Variants in YTHDC2 observed in about 807,000 individuals in gnomAD.
YTHDC2 encodes the protein YTH N6-methyladenosine RNA binding protein C2.
In YTHDC2, 45 loss-of-function variants were observed where a neutral mutation model predicts 174.9. That is an observed-to-expected ratio of 0.26 (90% CI 0.20 to 0.33). The LOEUF (loss-of-function observed/expected upper bound fraction) is 0.33. YTHDC2 is among the 10% of genes least tolerant of loss of function. The probability of loss-of-function intolerance (pLI) is 1.00; values close to 1 mark genes in which losing one functional copy is unlikely to be tolerated. For missense variants in YTHDC2, 1,650 were observed against 1,723.7 expected, an observed-to-expected ratio of 0.96 and a Z score of 0.76; for synonymous variants, 657 against 574.5, an observed-to-expected ratio of 1.14 and a Z score of -2.05.
At chr5:113,549,498 G>C (rs1431022277) in intron 12 of YTHDC2, among the ~76,000 whole-genome samples, 1 of 152,054 alleles carries the variant, frequency 6.6e-6, no homozygotes, top group Admixed American at 6.6e-5. Flanking sequence ...CTTGTTCAGT[G>C]GCCTTTGAGT....
In YTHDC2 at chr5:113,552,587, A is replaced by G. The variant is rs139330578; in HGVS notation, c.1689-594A>G. Among the ~76,000 whole-genome samples, 12 of 152,194 alleles carry G rather than the reference A, an allele frequency of 7.9e-5. No individual in the cohort carries two copies. The East Asian group carries it at 2.3e-3, about 29-fold the overall frequency. ...ATTGATGAACACTTAGGTTGTTTCC[A>G]CTTTCTGACTATGAATAATACTGGT... On this transcript the variant is annotated intron_variant, in intron 12 of 29. Transcript: ENST00000161863.
intron 23 of YTHDC2, among the ~76,000 whole-genome samples, chr5:113,572,957 T>G (rs1777827079): frequency 6.6e-6 from 1 of 152,196 alleles, no homozygotes; most frequent in South Asian, 2.1e-4. Context: ...CCCATTTACC[T>G]TCAATATTAC....
chr5:113,585,677 C>T (rs1388940886), intron 26 of YTHDC2, among the ~76,000 whole-genome samples: 1 of 151,528 alleles, frequency 6.6e-6, no homozygotes, highest in African/African-American at 2.4e-5. Flanking sequence ...TAAATGGAAT[C>T]ATATATATGT....
At position 113,567,403 on chromosome 5, in the gene YTHDC2, G is replaced by GTT. The variant is rs1229763595; in HGVS notation, c.3048+107_3048+108dup. 588 of 333,654 alleles carry GTT rather than the reference G, an allele frequency of 1.8e-3. 6 individuals carry two copies. The East Asian group carries it at 0.023, about 13-fold the overall frequency. 20.7% of individuals were successfully genotyped at this position (333,654 alleles called of 1,614,324 possible). A position where few individuals can be genotyped will look rare whatever the true frequency, so the allele number is the denominator to read the frequency against. The stretch of plus-strand genomic sequence containing the variant: ...CCTGCCTGCTTTAAGAAATTAATTA[G>GTT]TTATATATATATATATATATATATC... On this transcript the variant is annotated intron_variant, in intron 22 of 29. Coordinates refer to ENST00000161863, the MANE Select transcript of YTHDC2 (RefSeq NM_022828.5).
At chr5:113,548,829 T>G in intron 11 of YTHDC2, 126 bp from the exon 12 acceptor site, 1 of 1,146,054 alleles carries the variant, frequency 8.7e-7, no homozygotes, top group Non-Finnish European at 1.2e-6. Context: ...GTTTTTTAAC[T>G]ATAATTTATC....
intron 4 of YTHDC2, among the ~76,000 whole-genome samples, chr5:113,529,130 T>C (rs1774483871): frequency 6.6e-6 from 1 of 152,218 alleles, no homozygotes; most frequent in African/African-American, 2.4e-5. Context: ...TTTGTTATGA[T>C]AATAAACATT....
At chr5:113,546,421 C>T (rs1041289562) in intron 10 of YTHDC2, among the ~76,000 whole-genome samples, 1 of 152,188 alleles carries the variant, frequency 6.6e-6, no homozygotes, top group Non-Finnish European at 1.5e-5. Context: ...GTTACAGTAG[C>T]TCAATCATTC....
intron 24 of YTHDC2, 182 bp downstream of exon 24, chr5:113,579,877 G>A: frequency 1.0e-6 from 1 of 985,326 alleles, no homozygotes; most frequent in African/African-American, 1.7e-5. Context: ...TCCAACAGAG[G>A]ACTTGGAAAA....
At chr5:113,571,465 T>G (rs1459204203) in intron 23 of YTHDC2, among the ~76,000 whole-genome samples, 1 of 152,206 alleles carries the variant, frequency 6.6e-6, no homozygotes. Context: ...CTGTCAGGCT[T>G]TGGTATCAGT....
chr5:113,565,667 T>G, intron 20 of YTHDC2: 1 of 357,364 alleles, frequency 2.8e-6, no homozygotes, highest in Non-Finnish European at 4.9e-6. Flanking sequence ...TTAGGCTACT[T>G]GACACTTAGT....
At chr5:113,564,213 T>C (rs559418639) in intron 20 of YTHDC2, 82 bp downstream of exon 20, 4 of 1,387,586 alleles carry the variant, frequency 2.9e-6, no homozygotes, top group Non-Finnish European at 3.8e-6. Flanking sequence ...TTAAAAATAA[T>C]TTATAAATTT....
At chr5:113,569,068 T>TTGTGG (rs1777545300) in intron 23 of YTHDC2, among the ~76,000 whole-genome samples, 2 of 152,160 alleles carry the variant, frequency 1.3e-5, no homozygotes, top group Admixed American at 6.6e-5. Context: ...TCTGATCTCA[T>TTGTGG]TGTGGTTTTG....
chr5:113,541,009 C>G lies in YTHDC2; in HGVS notation c.1252C>G (p.Gln418Glu), dbSNP rs777505670. ...CACACTTACAGAATGGTACTCAGCT[C>G]AAGAAAATAGTTTCAAGCCTGAATC... Reference protein sequence around the residue: ...QTTLTEWYSAQENSFKPESQR... With the variant: ...QTTLTEWYSAEENSFKPESQR... The change falls in exon 9 of 30, where the codon CAA becomes GAA. Residue 418 changes from glutamine to glutamate, a missense_variant. Physicochemically the swap from Gln to Glu is conservative, Grantham distance 29. Coordinates refer to ENST00000161863, the MANE Select transcript of YTHDC2 (RefSeq NM_022828.5). The G allele has an allele frequency of 1.2e-6, 2 of 1,613,996 alleles. No individual in the cohort carries two copies. Among genetic ancestry groups the G allele is most frequent in the South Asian group, 1.1e-5 (1 of 91,070 alleles).
chr5:113,514,639 G>A (rs1195799941), intron 1 of YTHDC2, among the ~76,000 whole-genome samples: 1 of 152,118 alleles, frequency 6.6e-6, no homozygotes, highest in African/African-American at 2.4e-5. Flanking sequence ...GGTGACCTGT[G>A]CAGTCTGTTG....
chr5:113,538,751 T>C (rs1338793918), intron 7 of YTHDC2, among the ~76,000 whole-genome samples: 1 of 152,156 alleles, frequency 6.6e-6, no homozygotes, highest in Non-Finnish European at 1.5e-5. Context: ...GATTTCTGTC[T>C]CTTCCACTAG....
chr5:113,553,818 A>C lies in YTHDC2; in HGVS notation c.2016A>C (p.Lys672Asn), dbSNP rs138250809. 2.1e-5 allele frequency: 34 copies of C among 1,612,376 alleles called. No individual in the cohort carries two copies. Among genetic ancestry groups the C allele is most frequent in the Non-Finnish European group, 2.8e-5 (33 of 1,179,386 alleles). Residue 672 changes from lysine (K) to asparagine (N), a missense_variant, in exon 15 of 30, where the codon AAA becomes AAC. Physicochemically the swap from Lys to Asn is moderately conservative, Grantham distance 94. Transcript: ENST00000161863. ...HSNMQTSDQK[K>N]VLKNPPAGVR... ...ATATGCAAACATCCGATCAAAAGAAAGTATTAAAAAACCCACCTGCAGGTG... is the reference window on the plus strand; with the variant it reads ...ATATGCAAACATCCGATCAAAAGAACGTATTAAAAAACCCACCTGCAGGTG...
chr5:113,554,383 T>C (rs534220912), intron 16 of YTHDC2, among the ~76,000 whole-genome samples: 1 of 152,212 alleles, frequency 6.6e-6, no homozygotes, highest in Admixed American at 6.5e-5. Flanking sequence ...GGAATTTGAT[T>C]ACATATTTTT....
Position 113,542,506 on chromosome 5 carries a change from A to G in YTHDC2, c.1495+3A>G. Reference sequence around the variant, plus strand: ...CATTTTAACTGAAAATGTTAGTGGTAAGTTTATTTTAATTTTAAAAAATTA... The same window carrying G: ...CATTTTAACTGAAAATGTTAGTGGTGAGTTTATTTTAATTTTAAAAAATTA... On this transcript the variant is annotated splice_donor_region_variant and intron_variant, in intron 10 of 29. Coordinates refer to ENST00000161863, the MANE Select transcript of YTHDC2 (RefSeq NM_022828.5). The G allele has an allele frequency of 6.3e-7, 1 of 1,591,468 alleles. No individual in the cohort carries two copies. Among genetic ancestry groups the G allele is most frequent in the African/African-American group, 1.4e-5 (1 of 73,760 alleles).
At chr5:113,564,173 A>G (rs1777188768) in intron 20 of YTHDC2, 42 bp downstream of exon 20, 7 of 1,525,204 alleles carry the variant, frequency 4.6e-6, no homozygotes, top group South Asian at 1.3e-5. Flanking sequence ...GTTGCTGGGT[A>G]AACACGTTTC....
Sources: allele counts gnomAD v4.1 joint callset (sites outside exome capture counted in the v4.1 genomes callset), GRCh38; gene constraint gnomAD v4.1.1; transcripts MANE v1.5; gene names NCBI Gene and HGNC (gene_info 2026-07-23, HGNC 2026-07-21).